Variants in CRYBG1 observed in about 807,000 individuals in gnomAD.
CRYBG1 encodes crystallin beta-gamma domain containing 1, also known as beta/gamma crystallin domain-containing protein 1.
In CRYBG1, 139 loss-of-function variants were observed where a neutral mutation model predicts 189.2. That is an observed-to-expected ratio of 0.73 (90% confidence interval 0.64 to 0.85). CRYBG1 has a LOEUF of 0.85. Ranked by LOEUF, CRYBG1 falls within the 40% of genes least tolerant of loss-of-function variation. CRYBG1 has a pLI of 0.00. For synonymous variants in CRYBG1, 1,023 were observed against 1,017.1 expected (o/e 1.01, Z -0.11); for missense variants, 2,611 against 2,675.8 (o/e 0.98, Z 0.53).
At chr6:106,401,979 C>T (rs1770728555) in intron 1 of CRYBG1, among the ~76,000 whole-genome samples, 1 of 151,114 alleles carries the variant, frequency 6.6e-6, no homozygotes, top group African/African-American at 2.4e-5. Flanking sequence ...GTACAAAAAT[C>T]ACAAGCATTC....
chr6:106,412,799 C>T (rs12200404), intron 1 of CRYBG1, among the ~76,000 whole-genome samples: 12,308 of 152,210 alleles, frequency 0.081, 639 homozygotes, highest in East Asian at 0.15. Flanking sequence ...TCAGTGCTTT[C>T]TTGTGTGGCG....
intron 16 of CRYBG1, 141 bp from the exon 17 acceptor site, chr6:106,555,627 C>A: frequency 1.9e-6 from 2 of 1,047,660 alleles, no homozygotes; most frequent in Non-Finnish European, 1.4e-6. Context: ...TAAATATATC[C>A]AAATATTTTT....
intron 21 of CRYBG1, among the ~76,000 whole-genome samples, chr6:106,567,872 T>C (rs528019113): frequency 6.7e-6 from 1 of 149,192 alleles, no homozygotes; most frequent in Admixed American, 6.6e-5. Flanking sequence ...GCATCCTAAA[T>C]GCTATGAAAT....
At chr6:106,475,877 C>T (rs948122504) in intron 2 of CRYBG1, among the ~76,000 whole-genome samples, 2 of 152,172 alleles carry the variant, frequency 1.3e-5, no homozygotes, top group African/African-American at 4.8e-5. Flanking sequence ...AAGAGATACA[C>T]GTTTCCTCTG....
chr6:106,539,152 T>A (rs1774073068), intron 8 of CRYBG1, among the ~76,000 whole-genome samples: 1 of 152,168 alleles, frequency 6.6e-6, no homozygotes, highest in Non-Finnish European at 1.5e-5. Context: ...TTTGGAGCAA[T>A]TAATAATACA....
Position 106,512,775 on chromosome 6 carries a change from A to G in CRYBG1, c.1658A>G (p.Lys553Arg), listed in dbSNP as rs202196278. ...KRVPDPSPVT[K>R]GTAAESGEEA... Reference sequence around the variant, plus strand: ...GTGCCCGATCCCAGCCCAGTCACCAAGGGCACTGCGGCCGAGAGCGGGGAG... The same window carrying G: ...GTGCCCGATCCCAGCCCAGTCACCAGGGGCACTGCGGCCGAGAGCGGGGAG... Residue 553 changes from lysine to arginine, a missense_variant, in exon 3 of 22, where the codon AAG becomes AGG. Coordinates refer to ENST00000633556, the MANE Select transcript of CRYBG1 (RefSeq NM_001371242.2). 1.3e-3 allele frequency: 2,035 copies of G among 1,583,702 alleles called. 2 individuals carry two copies. Among genetic ancestry groups the G allele is most frequent in the Non-Finnish European group, 1.6e-3 (1,912 of 1,164,888 alleles).
intron 1 of CRYBG1, among the ~76,000 whole-genome samples, chr6:106,433,758 T>TAC (rs57055102): frequency 0.026 from 515 of 19,680 alleles, 15 homozygotes; most frequent in African/African-American, 0.11. Context: ...TATATATATG[T>TAC]GTATATATAT....
chr6:106,445,499 G>A (rs1273084327), intron 1 of CRYBG1, among the ~76,000 whole-genome samples: 2 of 152,130 alleles, frequency 1.3e-5, no homozygotes, highest in African/African-American at 4.8e-5. Context: ...AAATATGCTA[G>A]CTCAAAGTAC....
At chr6:106,453,854 G>A (rs1361156427) in intron 2 of CRYBG1, among the ~76,000 whole-genome samples, 2 of 152,238 alleles carry the variant, frequency 1.3e-5, no homozygotes, top group African/African-American at 4.8e-5. Flanking sequence ...GTATACCTGG[G>A]AGAGGCGGAG....
chr6:106,448,402 C>T (rs992650509), intron 1 of CRYBG1, among the ~76,000 whole-genome samples: 2 of 152,170 alleles, frequency 1.3e-5, no homozygotes, highest in African/African-American at 4.8e-5. Context: ...TAGTCCTCAC[C>T]TCCTCTAGCC....
chr6:106,408,461 C>T (rs1032261656), intron 1 of CRYBG1, among the ~76,000 whole-genome samples: 5 of 152,210 alleles, frequency 3.3e-5, no homozygotes, highest in Non-Finnish European at 2.9e-5. Flanking sequence ...GAGCTGGTAC[C>T]ATTCCTTCTG....
chr6:106,369,586 C>A (rs781538162), intron 1 of CRYBG1, among the ~76,000 whole-genome samples: 2 of 152,046 alleles, frequency 1.3e-5, no homozygotes, highest in Non-Finnish European at 2.9e-5. Flanking sequence ...TCTTTGGATT[C>A]GTTTTTTAAT....
intron 8 of CRYBG1, among the ~76,000 whole-genome samples, chr6:106,537,943 A>G (rs1341811852): frequency 2.9e-4 from 44 of 152,186 alleles, no homozygotes; most frequent in Non-Finnish European, 2.9e-5. Flanking sequence ...CACAAAAACC[A>G]CCGCCAAAAA....
In CRYBG1 at chr6:106,424,023, C is replaced by G. The variant is rs142118894; in HGVS notation, c.174-27671C>G. On this transcript the variant is annotated intron_variant, in intron 1 of 21. Coordinates refer to ENST00000633556, the MANE Select transcript of CRYBG1 (RefSeq NM_001371242.2). ...CCCAGCCTCTCCCTCCTTTCCTTCTCTCTCTCTCATGATTTAAGATAACCT... is the reference window on the plus strand; with the variant it reads ...CCCAGCCTCTCCCTCCTTTCCTTCTGTCTCTCTCATGATTTAAGATAACCT... Among the ~76,000 whole-genome samples the G allele has an allele frequency of 8.8e-4, 134 of 152,128 alleles. 1 individual carries two copies. Among genetic ancestry groups the G allele is most frequent in the African/African-American group, 3.1e-3 (127 of 41,508 alleles).
chr6:106,544,742 A>G (rs1253545472), intron 12 of CRYBG1, 45 bp downstream of exon 12: 3 of 1,607,100 alleles, frequency 1.9e-6, no homozygotes, highest in African/African-American at 2.7e-5. Context: ...TCTTCTTTGG[A>G]TAATAAATGG....
At position 106,520,850 on chromosome 6, in the gene CRYBG1, G is replaced by C; in HGVS notation, c.3642G>C (p.Leu1214=). 6.2e-7 allele frequency: 1 copy of C among 1,614,078 alleles called. No individual in the cohort carries two copies. Among genetic ancestry groups the C allele is most frequent in the Admixed American group, 1.7e-5 (1 of 60,012 alleles). ...ACACTAATGGGAACAGTGAGCCTCT[G>C]GTGATGCCGGAAATCAATGACAAAG... ...HTNTNGNSEP[L]VMPEINDKEN... is the part of the protein sequence containing the mutation. Residue 1214 remains leucine, a synonymous_variant, in exon 4 of 22, where the codon CTG becomes CTC. Transcript: ENST00000633556.
intron 1 of CRYBG1, among the ~76,000 whole-genome samples, chr6:106,381,064 T>G (rs565534977): frequency 1.3e-5 from 2 of 152,320 alleles, no homozygotes; most frequent in South Asian, 4.1e-4. Flanking sequence ...TCAAGAAATC[T>G]CTTAAGATGT....
At chr6:106,492,308 C>A (rs1305138771) in intron 2 of CRYBG1, among the ~76,000 whole-genome samples, 1 of 152,074 alleles carries the variant, frequency 6.6e-6, no homozygotes, top group African/African-American at 2.4e-5. Flanking sequence ...TGTTTCATAT[C>A]TTTTCTGTGC....
rs182510938 is a variant in CRYBG1 at position 106,553,690 on chromosome 6, A to G, written c.5585+123A>G. 241 of 707,884 alleles carry G rather than the reference A, an allele frequency of 3.4e-4. 1 individual carries two copies. The highest frequency in any genetic ancestry group is 4.0e-4 in the Non-Finnish European group (160 of 400,796). 43.9% of individuals were successfully genotyped at this position (707,884 alleles called of 1,614,324 possible). A position where few individuals can be genotyped will look rare whatever the true frequency, so the allele number is the denominator to read the frequency against. ...TATGCGAAACCACCATCTTAGTCCA[A>G]TGGCGTGCTTCGTGATATCTGAGTA... On this transcript the variant is annotated intron_variant, in intron 16 of 21. Coordinates refer to ENST00000633556, the MANE Select transcript of CRYBG1 (RefSeq NM_001371242.2).
Sources: allele counts gnomAD v4.1 joint callset (sites outside exome capture counted in the v4.1 genomes callset), GRCh38; gene constraint gnomAD v4.1.1; transcripts MANE v1.5; gene names NCBI Gene and HGNC (gene_info 2026-07-23, HGNC 2026-07-21).